The following DNAJC8 variants were observed in gnomAD, a reference collection of about 807,000 sequenced individuals.
DNAJC8 encodes DnaJ heat shock protein family (Hsp40) member C8.
In DNAJC8, 24 loss-of-function variants were observed where a neutral mutation model predicts 43.2. The ratio of observed to expected loss-of-function variants is 0.56; its 90% CI spans 0.40 to 0.78. The LOEUF is 0.78. Among genes scored for constraint, DNAJC8 ranks in the 30% least tolerant of loss-of-function variants. DNAJC8 has a pLI of 0.00. For missense variants in DNAJC8, 207 were observed against 299.4 expected (o/e 0.69, Z 2.28); for synonymous variants, 83 against 98.0 (o/e 0.85, Z 0.90).
intron 8 of DNAJC8, among the ~76,000 whole-genome samples, chr1:28,201,966 G>T (rs1369531419): frequency 7.1e-6 from 1 of 141,818 alleles, no homozygotes; most frequent in Non-Finnish European, 1.5e-5. Flanking sequence ...GCGCATGCCT[G>T]TTAATCCCAG....
intron 2 of DNAJC8, among the ~76,000 whole-genome samples, chr1:28,215,761 T>C (rs1646848754): frequency 6.6e-6 from 1 of 152,048 alleles, no homozygotes; most frequent in Non-Finnish European, 1.5e-5. Flanking sequence ...GGTCTCAAAC[T>C]CCAGACTTCA....
At chr1:28,218,929 C>T (rs1324281246) in intron 2 of DNAJC8, among the ~76,000 whole-genome samples, 5 of 152,046 alleles carry the variant, frequency 3.3e-5, no homozygotes, top group African/African-American at 1.2e-4. Flanking sequence ...CATAGGAAAA[C>T]CACTAGTTCT....
At chr1:28,213,373 A>G (rs571606475) in intron 3 of DNAJC8, among the ~76,000 whole-genome samples, 2 of 152,124 alleles carry the variant, frequency 1.3e-5, no homozygotes, top group African/African-American at 4.8e-5. Context: ...AAAGCTAAAT[A>G]TAAGTATAGA....
At chr1:28,208,170 C>T (rs1225071739) in intron 6 of DNAJC8, among the ~76,000 whole-genome samples, 172 bp downstream of exon 6, 1 of 152,122 alleles carries the variant, frequency 6.6e-6, no homozygotes, top group Middle Eastern at 3.2e-3. Flanking sequence ...CGCGCCATTG[C>T]CCTCCAGCCT....
chr1:28,209,779 G>A (rs1046261410), intron 5 of DNAJC8, among the ~76,000 whole-genome samples, 193 bp downstream of exon 5: 1 of 152,076 alleles, frequency 6.6e-6, no homozygotes, highest in African/African-American at 2.4e-5. Context: ...CTCCTCATCT[G>A]AGTTCTTCTC....
chr1:28,225,789 G>A (rs1038446151), intron 2 of DNAJC8, among the ~76,000 whole-genome samples: 3 of 145,776 alleles, frequency 2.1e-5, no homozygotes, highest in Admixed American at 7.0e-5. Context: ...TGCAACCTCC[G>A]CCTCCTGGGT....
At chr1:28,203,047 C>G (rs941608828) in intron 8 of DNAJC8, among the ~76,000 whole-genome samples, 1 of 152,194 alleles carries the variant, frequency 6.6e-6, no homozygotes, top group Admixed American at 6.5e-5. Context: ...TGCTGCCCCC[C>G]AAAACTTGGA....
At chr1:28,218,982 C>T (rs1646880467) in intron 2 of DNAJC8, among the ~76,000 whole-genome samples, 1 of 152,058 alleles carries the variant, frequency 6.6e-6, no homozygotes, top group African/African-American at 2.4e-5. Context: ...TCCAACAAAT[C>T]CCAGAAGGCG....
rs908690972 is a variant in DNAJC8 at position 28,233,021 on chromosome 1, G to A, written c.-23C>T. The A allele has an allele frequency of 1.2e-6, 2 of 1,609,362 alleles. 1 individual carries two copies. Among genetic ancestry groups the A allele is most frequent in the Admixed American group, 3.3e-5 (2 of 59,964 alleles). The stretch of plus-strand genomic sequence containing the variant: ...CATTTCCCCGGCCCAGCCACCACGT[G>A]ACCCTTCTGCGCAGGCGTCGCCTCA... On this transcript the variant is annotated 5_prime_UTR_variant, in exon 1 of 9. Coordinates refer to ENST00000263697, the MANE Select transcript of DNAJC8 (RefSeq NM_014280.3).
chr1:28,202,086 G>A (rs975950367), intron 8 of DNAJC8, among the ~76,000 whole-genome samples: 5 of 151,860 alleles, frequency 3.3e-5, no homozygotes, highest in Middle Eastern at 3.4e-3. Context: ...GCAAAACTCC[G>A]TCTCAAAAAA....
At chr1:28,223,294 T>C (rs749408292) in intron 2 of DNAJC8, among the ~76,000 whole-genome samples, 1 of 152,002 alleles carries the variant, frequency 6.6e-6, no homozygotes, top group Non-Finnish European at 1.5e-5. Flanking sequence ...GTAGGGAAGA[T>C]GCCTACTCAG....
intron 2 of DNAJC8, among the ~76,000 whole-genome samples, chr1:28,224,871 G>A (rs549127781): frequency 2.6e-5 from 4 of 151,558 alleles, no homozygotes; most frequent in Admixed American, 2.0e-4. Flanking sequence ...GCAGTGGAGT[G>A]AGACTCTGTC....
In DNAJC8 at chr1:28,205,319, T is replaced by C. The variant is rs1383226084; in HGVS notation, c.502A>G (p.Lys168Glu). 2 of 1,613,540 alleles carry C rather than the reference T, an allele frequency of 1.2e-6. No homozygotes were observed. Among genetic ancestry groups the C allele is most frequent in the Non-Finnish European group, 1.7e-6 (2 of 1,179,884 alleles). ...FKQAVYKQTM[K>E]LFAELEIKRK... The stretch of plus-strand genomic sequence containing the variant: ...TTAATTTCCAGCTCTGCAAAGAGTT[T>C]CATTGTCTGTTTATATACAGCTTGT... Residue 168 changes from lysine to glutamate, a missense_variant, in exon 7 of 9, where the codon AAA becomes GAA. By Grantham distance (56) the Lys-to-Glu change is moderately conservative. Transcript: ENST00000263697.
chr1:28,204,933 G>A (rs1646759045), intron 7 of DNAJC8, among the ~76,000 whole-genome samples: 1 of 151,730 alleles, frequency 6.6e-6, no homozygotes, highest in African/African-American at 2.4e-5. Flanking sequence ...TGAGGCAGGG[G>A]AACTGCTAGA....
rs1407948194 is a variant in DNAJC8 at position 28,205,277 on chromosome 1, CT to C, written c.543del (p.Ala182ProfsTer61). Reference sequence around the variant, plus strand: ...ATGTACCTTTCATGCATCTCTTTGGCTTCTCTCTCTTTCCTTTTAATTTCCA... The same window carrying C: ...ATGTACCTTTCATGCATCTCTTTGGCTCTCTCTCTTTCCTTTTAATTTCCA... ...AELEIKRKER[E>X]AKEMHERKRQ... is the part of the protein sequence containing the mutation. On this transcript the variant is annotated frameshift_variant, in exon 7 of 9. Coordinates refer to ENST00000263697, the MANE Select transcript of DNAJC8 (RefSeq NM_014280.3). LOFTEE classifies it high-confidence loss of function. 1 of 1,612,592 alleles carries C rather than the reference CT, an allele frequency of 6.2e-7. No homozygotes were observed. Among genetic ancestry groups the C allele is most frequent in the Non-Finnish European group, 8.5e-7 (1 of 1,179,556 alleles).
At chr1:28,216,178 G>A (rs1287706869) in intron 2 of DNAJC8, among the ~76,000 whole-genome samples, 3 of 152,064 alleles carry the variant, frequency 2.0e-5, no homozygotes, top group African/African-American at 7.2e-5. Flanking sequence ...GAGAAACCCC[G>A]TCTCTACTAA....
intron 2 of DNAJC8, among the ~76,000 whole-genome samples, chr1:28,227,467 C>T (rs1646944536): frequency 6.7e-6 from 1 of 149,664 alleles, no homozygotes; most frequent in African/African-American, 2.5e-5. Context: ...TGGCGAATGG[C>T]TGTAATCCTA....
At chr1:28,224,933 A>AT (rs1372771881) in intron 2 of DNAJC8, among the ~76,000 whole-genome samples, 1 of 151,016 alleles carries the variant, frequency 6.6e-6, no homozygotes, top group Non-Finnish European at 1.5e-5. Context: ...CACACCTTGA[A>AT]TCCCAGTATT....
At chr1:28,225,332 T>C (rs1466914577) in intron 2 of DNAJC8, among the ~76,000 whole-genome samples, 1 of 151,518 alleles carries the variant, frequency 6.6e-6, no homozygotes, top group Non-Finnish European at 1.5e-5. Flanking sequence ...AAAGTCTTCA[T>C]ATTGTATTTG....
Sources: allele counts gnomAD v4.1 joint callset (sites outside exome capture counted in the v4.1 genomes callset), GRCh38; gene constraint gnomAD v4.1.1; transcripts MANE v1.5; gene names NCBI Gene and HGNC (gene_info 2026-07-23, HGNC 2026-07-21).